The following ABCC2 variants were observed in gnomAD, a reference collection of about 807,000 sequenced individuals.
ABCC2 encodes ATP binding cassette subfamily C member 2.
ABCC2 carries 157 observed loss-of-function variants against 173.4 expected under a neutral mutation model. The ratio of observed to expected loss-of-function variants is 0.91; its 90% confidence interval spans 0.80 to 1.03. ABCC2 has a LOEUF of 1.03. ABCC2 is among the 50% of genes least tolerant of loss of function. The pLI is 0.00. For synonymous variants in ABCC2, 657 were observed against 693.5 expected, an observed-to-expected ratio of 0.95 and a Z score of 0.83; for missense variants, 1,822 against 1,852.3, an observed-to-expected ratio of 0.98 and a Z score of 0.30.
In ABCC2 at chr10:99,830,864, C is replaced by T. The variant is rs752474642; in HGVS notation, c.2883+13C>T. ...AGAAACTGGAAAGGTGAACACCACA[C>T]AGAAAAGTAGCATTTGAGGTGTTAT... On this transcript the variant is annotated intron_variant, in intron 21 of 31. Coordinates refer to ENST00000647814, the MANE Select transcript of ABCC2 (RefSeq NM_000392.5). The T allele has an allele frequency of 1.2e-6, 2 of 1,613,676 alleles. No individual in the cohort carries two copies. Among genetic ancestry groups the T allele is most frequent in the South Asian group, 1.1e-5 (1 of 91,052 alleles).
chr10:99,814,594 TAC>T (rs142084448), intron 16 of ABCC2, among the ~76,000 whole-genome samples: 790 of 30,736 alleles, frequency 0.026, 23 homozygotes, highest in Admixed American at 0.078. Flanking sequence ...TATACACATA[TAC>T]ACACACATAT....
chr10:99,803,989 A>G (rs1228854566), intron 9 of ABCC2, 30 bp from the exon 10 acceptor site: 1 of 1,613,990 alleles, frequency 6.2e-7, no homozygotes, highest in South Asian at 1.1e-5. Flanking sequence ...GGCTTTGTCC[A>G]TGGGTCCTAA....
chr10:99,825,671 T>G (rs945754990), intron 19 of ABCC2, among the ~76,000 whole-genome samples: 1 of 152,204 alleles, frequency 6.6e-6, no homozygotes, highest in South Asian at 2.1e-4. Flanking sequence ...CACACCAGTA[T>G]GAATTTGAAC....
intron 8 of ABCC2, 51 bp downstream of exon 8, chr10:99,799,421 C>T: frequency 1.9e-6 from 3 of 1,599,834 alleles, no homozygotes; most frequent in Non-Finnish European, 2.6e-6. Flanking sequence ...CTGCCACCCT[C>T]CTTTTTGCCA....
intron 6 of ABCC2, among the ~76,000 whole-genome samples, chr10:99,794,956 G>A (rs1280032701): frequency 6.6e-6 from 1 of 152,178 alleles, no homozygotes; most frequent in Non-Finnish European, 1.5e-5. Flanking sequence ...GGGCAGATTG[G>A]GATGCTGAGG....
At chr10:99,811,487 A>G (rs201709045) in intron 14 of ABCC2, 49 bp from the exon 15 acceptor site, 3 of 1,566,538 alleles carry the variant, frequency 1.9e-6, no homozygotes, top group Non-Finnish European at 2.6e-6. Context: ...GAGGGCAGAC[A>G]GTCACGTGGG....
In ABCC2 at chr10:99,782,804, A is replaced by G. The variant is rs2037637652; in HGVS notation, c.-41A>G. ...AGTAAAGAAGAAACAACACAATCATATTAATAGAAGAGTCTTCGTTCCAGA... is the reference window on the plus strand; with the variant it reads ...AGTAAAGAAGAAACAACACAATCATGTTAATAGAAGAGTCTTCGTTCCAGA... On this transcript the variant is annotated 5_prime_UTR_variant, in exon 1 of 32. It adds an upstream start codon to the 5' untranslated region. Transcript: ENST00000647814. 1 of 1,607,948 alleles carries G rather than the reference A, an allele frequency of 6.2e-7. No individual in the cohort carries two copies. The highest frequency in any genetic ancestry group is 8.5e-7 in the Non-Finnish European group (1 of 1,174,448).
chr10:99,797,168 C>T lies in ABCC2; in HGVS notation c.704C>T (p.Thr235Ile). Residue 235 changes from threonine (T) to isoleucine (I), a missense_variant, in exon 7 of 32, where the codon ACC becomes ATC. Transcript: ENST00000647814. ...DVWEVDEEMK[T>I]KTLVSKFETH... ...TGGGAAGTTGATGAAGAGATGAAAACCAAGACATTAGTGAGCAAGTTTGAA... is the reference window on the plus strand; with the variant it reads ...TGGGAAGTTGATGAAGAGATGAAAATCAAGACATTAGTGAGCAAGTTTGAA... 1 of 1,614,080 alleles carries T rather than the reference C, an allele frequency of 6.2e-7. No homozygotes were observed. Among genetic ancestry groups the T allele is most frequent in the Non-Finnish European group, 8.5e-7 (1 of 1,179,994 alleles).
At position 99,817,428 on chromosome 10, in the gene ABCC2, C is replaced by G. The variant is rs1317740127; in HGVS notation, c.2215C>G (p.Leu739Val). ...RYQQVLEACALLPDLEMLPGG... is the reference protein window; with the variant it reads ...RYQQVLEACAVLPDLEMLPGG... ...CCAGCAAGTACTGGAGGCCTGTGCT[C>G]TCCTCCCAGACTTGGAAATGCTGCC... Residue 739 changes from leucine to valine, a missense_variant, in exon 17 of 32, where the codon CTC (leucine) becomes GTC (valine). By Grantham distance (32) the Leu-to-Val change is conservative. Transcript: ENST00000647814. 2.5e-6 allele frequency: 4 copies of G among 1,614,140 alleles called. No individual in the cohort carries two copies. Among genetic ancestry groups the G allele is most frequent in the South Asian group, 2.2e-5 (2 of 91,072 alleles).
In ABCC2 at chr10:99,836,117, G is replaced by C. The variant is rs1165316603; in HGVS notation, c.3441G>C (p.Gln1147His). Residue 1147 changes from glutamine to histidine, a missense_variant, in exon 25 of 32, where the codon CAG becomes CAC. Gln to His is a conservative substitution (Grantham distance 24). Coordinates refer to ENST00000647814, the MANE Select transcript of ABCC2 (RefSeq NM_000392.5). ...TGTTTTATGTGTCTACCTCCCGCCAGCTGAGGCGTCTGGACTCTGTCACCA... is the reference window on the plus strand; with the variant it reads ...TGTTTTATGTGTCTACCTCCCGCCACCTGAGGCGTCTGGACTCTGTCACCA... Reference protein sequence around the residue: ...VQMFYVSTSRQLRRLDSVTRS... With the variant: ...VQMFYVSTSRHLRRLDSVTRS... 6.2e-7 allele frequency: 1 copy of C among 1,614,012 alleles called. No individual in the cohort carries two copies. The highest frequency in any genetic ancestry group is 2.2e-5 in the East Asian group (1 of 44,892).
rs2038000519 is a variant in ABCC2 at position 99,800,581 on chromosome 10, G to A, written c.1209+18G>A. 2 of 1,613,796 alleles carry A rather than the reference G, an allele frequency of 1.2e-6. No individual in the cohort carries two copies. Among genetic ancestry groups the A allele is most frequent in the Non-Finnish European group, 1.7e-6 (2 of 1,179,858 alleles). ...ATAAGAAGGTAAGCAGAATACGGCAGGTATCACCAAAGAAAATCCCCTCAG... is the reference window on the plus strand; with the variant it reads ...ATAAGAAGGTAAGCAGAATACGGCAAGTATCACCAAAGAAAATCCCCTCAG... On this transcript the variant is annotated intron_variant, in intron 9 of 31. Transcript: ENST00000647814.
At chr10:99,849,647 G>C (rs778842626) in intron 30 of ABCC2, among the ~76,000 whole-genome samples, 10 of 152,170 alleles carry the variant, frequency 6.6e-5, no homozygotes, top group Non-Finnish European at 1.5e-4. Context: ...CAAAGTCTAC[G>C]TTACACTTTG....
At chr10:99,801,998 C>G (rs2038023126) in intron 9 of ABCC2, among the ~76,000 whole-genome samples, 1 of 152,194 alleles carries the variant, frequency 6.6e-6, no homozygotes, top group South Asian at 2.1e-4. Flanking sequence ...CTTATTTCTT[C>G]TGGAGATACT....
Position 99,847,050 on chromosome 10 carries a change from G to T in ABCC2, c.4236G>T (p.Leu1412=). The part of the protein sequence containing the change: ...SDEEIWKALE[L]AHLKSFVASL... ...AGGAGATTTGGAAGGCCTTGGAGCT[G>T]GCTCACCTCAAGTCTTTTGTGGCCA... The change falls in exon 30 of 32, where the codon CTG becomes CTT. Residue 1412 remains leucine (L), a synonymous_variant. Coordinates refer to ENST00000647814, the MANE Select transcript of ABCC2 (RefSeq NM_000392.5). The T allele has an allele frequency of 6.2e-7, 1 of 1,614,210 alleles. No homozygotes were observed.
chr10:99,846,857 A>C, intron 29 of ABCC2, 104 bp from the exon 30 acceptor site: 1 of 1,473,332 alleles, frequency 6.8e-7, no homozygotes, highest in Non-Finnish European at 9.5e-7. Context: ...CTGCCTCAGG[A>C]ATCCATCTCA....
intron 20 of ABCC2, 73 bp downstream of exon 20, chr10:99,830,506 G>A: frequency 6.2e-7 from 1 of 1,607,784 alleles, no homozygotes; most frequent in Non-Finnish European, 8.5e-7. Flanking sequence ...TTTCTTCCTG[G>A]GCTTTTCCTG....
intron 16 of ABCC2, among the ~76,000 whole-genome samples, chr10:99,814,279 A>G (rs373938192): frequency 4.1e-5 from 3 of 72,440 alleles, no homozygotes; most frequent in African/African-American, 1.5e-4. Flanking sequence ...ATACACACGT[A>G]TGTATACACA....
At chr10:99,832,450 C>G (rs564030005) in intron 23 of ABCC2, among the ~76,000 whole-genome samples, 135 of 152,170 alleles carry the variant, frequency 8.9e-4, no homozygotes, top group African/African-American at 3.2e-3. Context: ...AAAAAAGGCA[C>G]TAGCCCAGCC....
intron 30 of ABCC2, 81 bp from the exon 31 acceptor site, chr10:99,850,521 G>A: frequency 7.1e-7 from 1 of 1,412,698 alleles, no homozygotes; most frequent in Non-Finnish European, 9.8e-7. Context: ...AGTCTGATCT[G>A]GAACATGAAA....
Sources: allele counts gnomAD v4.1 joint callset (sites outside exome capture counted in the v4.1 genomes callset), GRCh38; gene constraint gnomAD v4.1.1; transcripts MANE v1.5; gene names NCBI Gene and HGNC (gene_info 2026-07-23, HGNC 2026-07-21).